NAV1: variants seen among roughly 807,000 people sequenced by gnomAD.
The protein encoded by NAV1 is pore membrane and/or filament interacting like protein 3.
A neutral mutation model predicts 175.2 loss-of-function variants in NAV1; 18 were observed. That is an observed-to-expected ratio of 0.10 (90% CI 0.07 to 0.15). NAV1 has a LOEUF of 0.15. Among genes scored for constraint, NAV1 ranks in the 10% least tolerant of loss-of-function variants. The pLI is 1.00. For missense variants in NAV1, 1,731 were observed against 2,436.6 expected (o/e 0.71, Z 6.10); for synonymous variants, 897 against 978.7 (o/e 0.92, Z 1.56).
At chr1:201,556,887 T>TA (rs1666033986) in intron 1 of NAV1, among the ~76,000 whole-genome samples, 1 of 152,108 alleles carries the variant, frequency 6.6e-6, no homozygotes, top group Admixed American at 6.5e-5. Context: ...GTTCCCCCTG[T>TA]AAAAACAGGG....
Position 201,788,370 on chromosome 1 carries a change from C to T in NAV1, c.2996-98C>T, listed in dbSNP as rs753673168. 5.4e-5 allele frequency: 71 copies of T among 1,313,998 alleles called. No homozygotes were observed. The highest frequency in any genetic ancestry group is 2.3e-4 in the Middle Eastern group (1 of 4,378). 81.4% of individuals were successfully genotyped at this position (1,313,998 alleles called of 1,614,324 possible). A position where few individuals can be genotyped will look rare whatever the true frequency, so the allele number is the denominator to read the frequency against. On this transcript the variant is annotated intron_variant, in intron 9 of 29. Coordinates refer to ENST00000367296, the Ensembl canonical transcript of NAV1. This position sits in a 1 kb window ranked among gnomAD's most constrained non-coding sequence, Gnocchi z 5.7. ...TCTCCCCATTTGCCTCTCATGCTCC[C>T]GGTGCTCCATCCCCCAAGGGCCCGG...
intron 1 of NAV1, among the ~76,000 whole-genome samples, chr1:201,708,422 C>G (rs1343951479): frequency 6.6e-6 from 1 of 150,426 alleles, no homozygotes; most frequent in Non-Finnish European, 1.5e-5. Context: ...CCCTTCCCCC[C>G]TCAAACCCTA....
chr1:201,563,548 C>G (rs1250156812), intron 1 of NAV1, among the ~76,000 whole-genome samples: 2 of 152,030 alleles, frequency 1.3e-5, no homozygotes, highest in Non-Finnish European at 2.9e-5. Flanking sequence ...AACCCAGAAT[C>G]TGGAATTGGA....
intron 7 of NAV1, among the ~76,000 whole-genome samples, chr1:201,784,515 G>A (rs1162642599): frequency 6.7e-6 from 1 of 150,176 alleles, no homozygotes; most frequent in Non-Finnish European, 1.5e-5. Context: ...CCCCCTATAT[G>A]CCAAGGTTAT....
chr1:201,544,041 C>G (rs1169236416), intron 1 of NAV1, among the ~76,000 whole-genome samples: 1 of 152,262 alleles, frequency 6.6e-6, no homozygotes, highest in Non-Finnish European at 1.5e-5. Context: ...TCCTGAGACT[C>G]AGAGGGCACC....
rs35069593 is a variant in NAV1, at chr1:201,788,879, GA to G, written c.3166+244del. Reference sequence around the variant, plus strand: ...CATCCATCACTGGGGCTGGGGGAGGGAAATTGAGCATGGAAGGGTTAAATGG... The same window carrying G: ...CATCCATCACTGGGGCTGGGGGAGGGAATTGAGCATGGAAGGGTTAAATGG... On this transcript the variant is annotated intron_variant, in intron 10 of 29. Coordinates refer to ENST00000367296, the Ensembl canonical transcript of NAV1. The surrounding 1 kb of genome is among the most constrained non-coding windows in gnomAD (Gnocchi z 5.7). 6.6e-6 allele frequency among the ~76,000 whole-genome samples: 1 copy of G among 152,178 alleles called. No individual in the cohort carries two copies. The highest frequency in any genetic ancestry group is 1.5e-5 in the Non-Finnish European group (1 of 68,038).
Position 201,561,555 on chromosome 1 carries a change from A to G in NAV1, c.-144+22213A>G, listed in dbSNP as rs182345695. 1.3e-3 allele frequency among the ~76,000 whole-genome samples: 195 copies of G among 152,362 alleles called. 1 individual carries two copies. Among genetic ancestry groups the G allele is most frequent in the African/African-American group, 4.5e-3 (188 of 41,580 alleles). On this transcript the variant is annotated intron_variant, in intron 1 of 33. Transcript: ENST00000685211. ...GTATAGTAGCTGGCATATGCTAGAC[A>G]TTCAATAAAAGTTAGTTTCCTTCAC...
At chr1:201,621,551 C>T (rs1668172535), upstream of NAV1, among the ~76,000 whole-genome samples, 1 of 151,940 alleles carries the variant, frequency 6.6e-6, no homozygotes, top group Non-Finnish European at 1.5e-5. Flanking sequence ...AGGCTGGTCT[C>T]AATCTCCTGA....
chr1:201,648,696 C>T lies in NAV1; in HGVS notation c.28C>T (p.Gln10Ter). Reference sequence around the variant, plus strand: ...GCTGGGCAGCAGCGTCAAGAGCGTGCAGCCCGAGGTGGAGCTGAGCAGCGG... The same window carrying T: ...GCTGGGCAGCAGCGTCAAGAGCGTGTAGCCCGAGGTGGAGCTGAGCAGCGG... Residue 10 changes from glutamine to a stop codon, truncating the protein, a stop_gained, in exon 1 of 30, where the codon CAG becomes TAG. Transcript: ENST00000367296. LOFTEE classifies it high-confidence loss of function. The T allele has an allele frequency of 1.4e-6, 2 of 1,424,386 alleles. No homozygotes were observed. The highest frequency in any genetic ancestry group is 2.9e-5 in the Admixed American group (1 of 34,846). 88.2% of individuals were successfully genotyped at this position (1,424,386 alleles called of 1,614,324 possible). A position where few individuals can be genotyped will look rare whatever the true frequency, so the allele number is the denominator to read the frequency against.
chr1:201,714,411 C>A (rs953688887), intron 2 of NAV1, among the ~76,000 whole-genome samples: 1 of 152,208 alleles, frequency 6.6e-6, no homozygotes, highest in South Asian at 2.1e-4. Context: ...CCCTTTACTC[C>A]CAGACATCTC....
intron 16 of NAV1, 27 bp from the exon 21 acceptor site, chr1:201,804,462 T>C: frequency 6.5e-7 from 1 of 1,540,770 alleles, no homozygotes; most frequent in Non-Finnish European, 8.7e-7. Flanking sequence ...TTCAAAATGC[T>C]GACTCCAAAT....
rs373983129 is a variant in NAV1 at position 201,604,569 on chromosome 1, C to G, written c.-33+15920C>G. Reference sequence around the variant, plus strand: ...TGCTAGCACGCACCTATAATCCCAGCTACTCGGGAGGCTGAGGTGGTAGAA... The same window carrying G: ...TGCTAGCACGCACCTATAATCCCAGGTACTCGGGAGGCTGAGGTGGTAGAA... On this transcript the variant is annotated intron_variant, in intron 2 of 33. Transcript: ENST00000685211. 2.5e-4 allele frequency among the ~76,000 whole-genome samples: 38 copies of G among 151,814 alleles called. 1 individual carries two copies. The East Asian group carries it at 2.9e-3, about 12-fold the overall frequency.
At chr1:201,800,099 A>C in intron 15 of NAV1, among the ~76,000 whole-genome samples, 1 of 151,978 alleles carries the variant, frequency 6.6e-6, no homozygotes. Flanking sequence ...CCTGGGACTC[A>C]TATGATTTTC....
At chr1:201,778,349 A>G (rs1192628381) in intron 3 of NAV1, among the ~76,000 whole-genome samples, 1 of 152,206 alleles carries the variant, frequency 6.6e-6, no homozygotes, top group African/African-American at 2.4e-5. Flanking sequence ...GATTACCAAT[A>G]ATTAATCTCA....
chr1:201,620,453 CTTTTTTT>C (rs71861939), upstream of NAV1, among the ~76,000 whole-genome samples: 3 of 94,530 alleles, frequency 3.2e-5, no homozygotes, highest in East Asian at 3.6e-4. Context: ...GACATATACT[CTTTTTTT>C]TTTTTTTTTT....
intron 1 of NAV1, among the ~76,000 whole-genome samples, chr1:201,556,396 G>C (rs582689): frequency 0.78 from 118,353 of 151,210 alleles, 46,846 homozygotes; most frequent in African/African-American, 0.87. Flanking sequence ...CCAGCCTGGG[G>C]GACAGAGGAA....
intron 1 of NAV1, among the ~76,000 whole-genome samples, chr1:201,567,013 G>A (rs571043953): frequency 6.6e-6 from 1 of 152,214 alleles, no homozygotes; most frequent in African/African-American, 2.4e-5. Flanking sequence ...ACCACAGGGT[G>A]CTGACTTCCT....
chr1:201,668,254 A>AC, intron 1 of NAV1, among the ~76,000 whole-genome samples: 1 of 151,918 alleles, frequency 6.6e-6, no homozygotes. Context: ...GCCTCCTGCC[A>AC]CCCCCTACCA....
chr1:201,761,566 G>A (rs1196255813), intron 3 of NAV1, among the ~76,000 whole-genome samples: 3 of 152,148 alleles, frequency 2.0e-5, no homozygotes, highest in East Asian at 1.9e-4. Context: ...AAGATGAATG[G>A]CAACGTCTTC....
Sources: gnomAD v4.1 joint callset for allele counts (sites outside exome capture counted in the v4.1 genomes callset) on GRCh38, gnomAD v4.1.1 for gene constraint, Gnocchi (gnomAD v3.1) non-coding constraint, MANE v1.5 for transcripts, NCBI Gene and HGNC (gene_info 2026-07-23, HGNC 2026-07-21) for gene names.